MYOM1: variants seen among roughly 807,000 people sequenced by gnomAD.
MYOM1 encodes myomesin 1, also known as myomesin-1.
In MYOM1, 164 loss-of-function variants were observed where a neutral mutation model predicts 205.3. The observed-to-expected ratio is 0.80, with a 90% CI of 0.70 to 0.91. The LOEUF (loss-of-function observed/expected upper bound fraction) is 0.91, where lower values mean the gene tolerates loss of function less well. Among genes scored for constraint, MYOM1 ranks in the 40% least tolerant of loss-of-function variants. The pLI, the probability that MYOM1 is intolerant of heterozygous loss-of-function variation, is 0.00. For synonymous variants in MYOM1, 772 were observed against 789.4 expected (o/e 0.98, Z 0.37); for missense variants, 2,011 against 2,127.3 (o/e 0.95, Z 1.08).
chr18:3,154,921 T>C (rs1198533085), intron 11 of MYOM1, 26 bp downstream of exon 11: 4 of 1,602,158 alleles, frequency 2.5e-6, no homozygotes, highest in Non-Finnish European at 3.4e-6. Flanking sequence ...CAAATAACTG[T>C]AATTGATGTT....
At chr18:3,168,744 G>T in intron 9 of MYOM1, 73 bp downstream of exon 9, 1 of 1,516,702 alleles carries the variant, frequency 6.6e-7, no homozygotes, top group Non-Finnish European at 9.1e-7. Context: ...CACCAGCTCC[G>T]ATAAACAGAT....
At chr18:3,080,374 T>C (rs890324646) in intron 33 of MYOM1, among the ~76,000 whole-genome samples, 2 of 152,120 alleles carry the variant, frequency 1.3e-5, no homozygotes, top group African/African-American at 4.8e-5. Context: ...TTGGAAAACA[T>C]AGAAAAACAA....
At chr18:3,168,755 C>A in intron 9 of MYOM1, 62 bp downstream of exon 9, 1 of 1,552,002 alleles carries the variant, frequency 6.4e-7, no homozygotes, top group Non-Finnish European at 8.8e-7. Flanking sequence ...ATAAACAGAT[C>A]TGCAATCTGG....
intron 25 of MYOM1, among the ~76,000 whole-genome samples, chr18:3,095,521 T>G (rs2143733045): frequency 6.6e-6 from 1 of 152,278 alleles, no homozygotes; most frequent in African/African-American, 2.4e-5. Context: ...TGAGCCGAGA[T>G]CGCGCCACTG....
intron 10 of MYOM1, among the ~76,000 whole-genome samples, chr18:3,159,123 A>T (rs2080344382): frequency 6.6e-6 from 1 of 152,238 alleles, no homozygotes; most frequent in African/African-American, 2.4e-5. Flanking sequence ...CAAAGCCTCA[A>T]GGAATATGTA....
intron 10 of MYOM1, among the ~76,000 whole-genome samples, chr18:3,160,124 C>T (rs1387929283): frequency 1.9e-4 from 28 of 149,352 alleles, no homozygotes; most frequent in Non-Finnish European, 3.0e-4. Flanking sequence ...TCTCTTCCTC[C>T]TCCTCCTCCT....
intron 2 of MYOM1, among the ~76,000 whole-genome samples, chr18:3,194,814 T>C (rs1456425821): frequency 8.5e-6 from 1 of 117,836 alleles, no homozygotes; most frequent in Non-Finnish European, 1.9e-5. Context: ...TAAAAGTCCC[T>C]GATCTACACA....
intron 3 of MYOM1, among the ~76,000 whole-genome samples, chr18:3,191,273 G>T (rs530093395): frequency 2.0e-5 from 3 of 152,296 alleles, no homozygotes; most frequent in African/African-American, 7.2e-5. Flanking sequence ...GGAAATTTCA[G>T]GTGCCATGCA....
intron 5 of MYOM1, among the ~76,000 whole-genome samples, chr18:3,176,411 C>G (rs958920069): frequency 1.3e-5 from 2 of 152,046 alleles, no homozygotes; most frequent in African/African-American, 4.8e-5. Flanking sequence ...AACATAGTTA[C>G]CGAAAAAAGC....
chr18:3,129,667 A>G (rs568586046), intron 17 of MYOM1, 148 bp from the exon 18 acceptor site: 19 of 745,536 alleles, frequency 2.5e-5, no homozygotes, highest in Middle Eastern at 4.0e-4. Context: ...ATTTGCAAGA[A>G]ATATGGAAAG....
rs765408524 is a variant in MYOM1 at position 3,102,427 on chromosome 18, C to G, written c.3575+47G>C. 5 of 1,541,652 alleles carry G rather than the reference C, an allele frequency of 3.2e-6. No homozygotes were observed. In the East Asian group the frequency reaches 1.1e-4, roughly 35 times the overall value. ...TGGAAATCAGAGCTCACCTCATTCT[C>G]CTACAGTGAAAAGGAAACCCATGAT... On this transcript the variant is annotated intron_variant, in intron 23 of 37. Coordinates refer to ENST00000356443, the MANE Select transcript of MYOM1 (RefSeq NM_003803.4).
Position 3,129,325 on chromosome 18 carries a change from C to A in MYOM1, c.2701G>T (p.Glu901Ter), listed in dbSNP as rs1303494615. The change falls in exon 18 of 38, where the codon GAA (glutamate) becomes TAA (stop). Residue 901 changes from glutamate to a stop codon, truncating the protein, a stop_gained. Coordinates refer to ENST00000356443, the MANE Select transcript of MYOM1 (RefSeq NM_003803.4). LOFTEE classifies it high-confidence loss of function. ...GGGGTAAGCTCTTCCTGAACTGTTT[C>A]ACTTACTTTACTCACTTCTGTTTGG... is the stretch of plus-strand genomic sequence containing the variant. ...LGQTEVSKVS[E>*]TVQEELTPPP... 5 of 1,613,976 alleles carry A rather than the reference C, an allele frequency of 3.1e-6. No homozygotes were observed. The highest frequency in any genetic ancestry group is 1.3e-5 in the African/African-American group (1 of 75,028).
At chr18:3,220,087 A>G (rs905181977), upstream of MYOM1, 1 of 152,294 alleles carries the variant, frequency 6.6e-6, no homozygotes, top group Non-Finnish European at 1.5e-5. Context: ...TAGCAGCCTT[A>G]GTAATATAAT....
the MYOM1 span, among the ~76,000 whole-genome samples, chr18:3,244,028 T>C: frequency 6.6e-6 from 1 of 152,328 alleles, no homozygotes; most frequent in African/African-American, 2.4e-5. Flanking sequence ...AGTTTCCAAA[T>C]GATTAGTGCT....
At chr18:3,243,046 C>T in the MYOM1 span, among the ~76,000 whole-genome samples, 1 of 152,018 alleles carries the variant, frequency 6.6e-6, no homozygotes, top group Non-Finnish European at 1.5e-5. Context: ...AATTTTTTAT[C>T]TCATTTATCA....
intron 25 of MYOM1, among the ~76,000 whole-genome samples, chr18:3,098,586 C>A (rs538877538): frequency 4.6e-5 from 7 of 152,028 alleles, no homozygotes; most frequent in Non-Finnish European, 1.0e-4. Flanking sequence ...CCTCTTACAG[C>A]ATTTCTATAT....
intron 17 of MYOM1, 29 bp from the exon 18 acceptor site, chr18:3,129,548 C>G (rs768830450): frequency 6.3e-7 from 1 of 1,588,514 alleles, no homozygotes; most frequent in Non-Finnish European, 8.6e-7. Context: ...AACAGAAACG[C>G]ATTGAGCCCG....
chr18:3,224,524 G>T (rs892071436), upstream of MYOM1, among the ~76,000 whole-genome samples: 1 of 152,200 alleles, frequency 6.6e-6, no homozygotes, highest in East Asian at 1.9e-4. Context: ...GAACTGGCAG[G>T]TAAGTGGGAT....
At chr18:3,144,037 T>C (rs1455845763) in intron 13 of MYOM1, among the ~76,000 whole-genome samples, 1 of 150,874 alleles carries the variant, frequency 6.6e-6, no homozygotes, top group East Asian at 2.0e-4. Context: ...AAACCCCATC[T>C]CTACTAAAAA....
Sources: gnomAD v4.1 joint callset for allele counts (sites outside exome capture counted in the v4.1 genomes callset) on GRCh38, gnomAD v4.1.1 for gene constraint, MANE v1.5 for transcripts, NCBI Gene and HGNC (gene_info 2026-07-23, HGNC 2026-07-21) for gene names.